The following RIPK4 variants were observed in gnomAD, a reference collection of about 807,000 sequenced individuals.
RIPK4 encodes the protein receptor-interacting serine/threonine-protein kinase 4.
RIPK4 carries 17 observed loss-of-function variants against 42.9 expected under a neutral mutation model. The observed-to-expected ratio is 0.40, with a 90% CI of 0.27 to 0.59. The LOEUF (loss-of-function observed/expected upper bound fraction) is 0.59. Among genes scored for constraint, RIPK4 ranks in the 20% least tolerant of loss-of-function variants. The probability of loss-of-function intolerance (pLI) is 0.47; values close to 1 mark genes in which losing one functional copy is unlikely to be tolerated. For synonymous variants in RIPK4, 498 were observed against 499.1 expected (o/e 1.00, Z 0.03); for missense variants, 897 against 1,104.4 (o/e 0.81, Z 2.66).
chr21:41,753,989 A>T (rs1490237609), intron 2 of RIPK4, among the ~76,000 whole-genome samples: 1 of 152,216 alleles, frequency 6.6e-6, no homozygotes, highest in Non-Finnish European at 1.5e-5. Flanking sequence ...ATTACTTTGT[A>T]TACTATTTAC....
intron 6 of RIPK4, among the ~76,000 whole-genome samples, chr21:41,744,735 G>A (rs986479813): frequency 4.6e-5 from 7 of 152,240 alleles, no homozygotes; most frequent in Admixed American, 1.3e-4. Flanking sequence ...ACCCCCACAC[G>A]TGGCCACAAC....
intron 5 of RIPK4, 175 bp from the exon 6 acceptor site, chr21:41,746,037 G>A (rs377539783): frequency 1.4e-6 from 1 of 725,990 alleles, no homozygotes; most frequent in Non-Finnish European, 2.5e-6. Context: ...CCAAACCCAG[G>A]CCCCCCCATC....
chr21:41,761,399 T>G (rs2061219864), intron 1 of RIPK4, among the ~76,000 whole-genome samples: 1 of 152,222 alleles, frequency 6.6e-6, no homozygotes, highest in African/African-American at 2.4e-5. Flanking sequence ...CTGCTTCTCT[T>G]TTATGTCTTG....
rs1248146934 is a variant in RIPK4 at position 41,741,846 on chromosome 21, C to T, written c.1347G>A (p.Gly449=). Residue 449 remains glycine (G), a synonymous_variant, in exon 8 of 8, where the codon GGG becomes GGA. Coordinates refer to ENST00000332512, the MANE Select transcript of RIPK4 (RefSeq NM_020639.3). The stretch of plus-strand genomic sequence containing the variant: ...GCAGCCACTTGGCGCACTCCTCTTG[C>T]CCGGCCTCCACCGCCAGGTGCAGCA... The part of the protein sequence containing the change: ...ASLLHLAVEA[G]QEECAKWLLL... 6.2e-7 allele frequency: 1 copy of T among 1,612,506 alleles called. No individual in the cohort carries two copies.
At chr21:41,753,807 G>A (rs1016250018) in intron 2 of RIPK4, among the ~76,000 whole-genome samples, 33 of 152,272 alleles carry the variant, frequency 2.2e-4, no homozygotes, top group African/African-American at 6.7e-4. Context: ...AACGTGACCC[G>A]CGTGTGACCC....
intron 3 of RIPK4, among the ~76,000 whole-genome samples, chr21:41,749,422 C>T (rs1376253121): frequency 6.6e-6 from 1 of 152,196 alleles, no homozygotes; most frequent in Non-Finnish European, 1.5e-5. Flanking sequence ...AGTAACTTCG[C>T]CAACTGGGCT....
chr21:41,747,337 G>C (rs972872282), intron 4 of RIPK4, among the ~76,000 whole-genome samples: 1 of 152,210 alleles, frequency 6.6e-6, no homozygotes. Flanking sequence ...ATGTGGGGCC[G>C]CACCTGTCCT....
At chr21:41,745,294 C>T (rs929952232) in intron 6 of RIPK4, among the ~76,000 whole-genome samples, 5 of 152,222 alleles carry the variant, frequency 3.3e-5, no homozygotes, top group African/African-American at 1.2e-4. Context: ...AGCCTCATCA[C>T]CCGAAAAGGC....
At chr21:41,747,336 C>T (rs1292163527) in intron 4 of RIPK4, among the ~76,000 whole-genome samples, 1 of 152,214 alleles carries the variant, frequency 6.6e-6, no homozygotes, top group African/African-American at 2.4e-5. Context: ...CATGTGGGGC[C>T]GCACCTGTCC....
chr21:41,745,678 G>C, intron 6 of RIPK4, 81 bp downstream of exon 6: 1 of 1,021,182 alleles, frequency 9.8e-7, no homozygotes, highest in Non-Finnish European at 1.5e-6. Context: ...GGCGGCGGGG[G>C]ACTCTGCAAA....
intron 4 of RIPK4, among the ~76,000 whole-genome samples, chr21:41,748,259 A>T (rs568578000): frequency 6.6e-6 from 1 of 152,308 alleles, no homozygotes; most frequent in East Asian, 1.9e-4. Context: ...GCACTTTCCC[A>T]TACATCGGCT....
chr21:41,745,527 A>T (rs569690812), intron 6 of RIPK4, among the ~76,000 whole-genome samples: 1 of 152,286 alleles, frequency 6.6e-6, no homozygotes, highest in East Asian at 1.9e-4. Flanking sequence ...GTGTCAGGGA[A>T]GCCCTTCCGC....
intron 1 of RIPK4, among the ~76,000 whole-genome samples, chr21:41,758,041 TAGAG>T (rs71188681): frequency 0.02 from 1,185 of 58,344 alleles, 73 homozygotes; most frequent in African/African-American, 0.082. Context: ...TATATATATA[TAGAG>T]AGAGAGAGAG....
rs1346711653 is a variant in RIPK4 at position 41,740,770 on chromosome 21, C to T, written c.*68G>A. Reference sequence around the variant, plus strand: ...AACAGGGCCCCACGCAGGATCGTTCCATCCCCACGAGGAACACAGGACAGG... The same window carrying T: ...AACAGGGCCCCACGCAGGATCGTTCTATCCCCACGAGGAACACAGGACAGG... On this transcript the variant is annotated 3_prime_UTR_variant, in exon 8 of 8. Coordinates refer to ENST00000332512, the MANE Select transcript of RIPK4 (RefSeq NM_020639.3). 10 of 1,468,424 alleles carry T rather than the reference C, an allele frequency of 6.8e-6. No individual in the cohort carries two copies. The Admixed American group carries it at 1.1e-4, about 16-fold the overall frequency. 91.0% of individuals were successfully genotyped at this position (1,468,424 alleles called of 1,614,324 possible).
chr21:41,761,403 T>C (rs1224528120), intron 1 of RIPK4, among the ~76,000 whole-genome samples: 1 of 152,244 alleles, frequency 6.6e-6, no homozygotes. Context: ...TTCTCTTTTA[T>C]GTCTTGTTAA....
Position 41,742,012 on chromosome 21 carries a change from G to C in RIPK4, c.1196-15C>G. On this transcript the variant is annotated splice_polypyrimidine_tract_variant and intron_variant, in intron 7 of 7. Coordinates refer to ENST00000332512, the MANE Select transcript of RIPK4 (RefSeq NM_020639.3). The surrounding 1 kb of genome is among the most constrained non-coding windows in gnomAD (Gnocchi z 5.1). ...GGTGCCCAGATCTGCAGGGAGAGGA[G>C]AGGCAAAGGTCAGAGCGTGGCTGCA... 1 of 1,567,548 alleles carries C rather than the reference G, an allele frequency of 6.4e-7. No individual in the cohort carries two copies. The highest frequency in any genetic ancestry group is 1.2e-5 in the South Asian group (1 of 83,110).
In RIPK4 at chr21:41,745,882, A is replaced by T; in HGVS notation, c.833-20T>A. 6.4e-7 allele frequency: 1 copy of T among 1,573,876 alleles called. No individual in the cohort carries two copies. Among genetic ancestry groups the T allele is most frequent in the South Asian group, 1.1e-5 (1 of 90,284 alleles). On this transcript the variant is annotated intron_variant, in intron 5 of 7. Transcript: ENST00000332512. Reference sequence around the variant, plus strand: ...TAATTTCTTGTGGGGAAGAAAGGGGACATGTCACTCGGATGATGACTTCTG... The same window carrying T: ...TAATTTCTTGTGGGGAAGAAAGGGGTCATGTCACTCGGATGATGACTTCTG...
intron 3 of RIPK4, among the ~76,000 whole-genome samples, chr21:41,749,488 G>A (rs894974396): frequency 2.0e-5 from 3 of 152,242 alleles, no homozygotes; most frequent in East Asian, 1.9e-4. Flanking sequence ...TATGCGGGGC[G>A]TGAGCTCCTG....
chr21:41,746,897 G>T, intron 4 of RIPK4, 126 bp from the exon 5 acceptor site: 1 of 1,074,698 alleles, frequency 9.3e-7, no homozygotes, highest in Non-Finnish European at 1.3e-6. Flanking sequence ...CCAGGGAGAC[G>T]GCTCCCCCAC....
Sources: gnomAD v4.1 joint callset for allele counts (sites outside exome capture counted in the v4.1 genomes callset) on GRCh38, gnomAD v4.1.1 for gene constraint, Gnocchi (gnomAD v3.1) non-coding constraint, MANE v1.5 for transcripts, NCBI Gene and HGNC (gene_info 2026-07-23, HGNC 2026-07-21) for gene names.